Variants in SLC30A3 observed in about 807,000 individuals in gnomAD.
SLC30A3 encodes the protein probable proton-coupled zinc antiporter SLC30A3.
A neutral mutation model predicts 35.6 loss-of-function variants in SLC30A3; 20 were observed. That is an observed-to-expected ratio of 0.56 (90% confidence interval 0.39 to 0.82). The LOEUF (loss-of-function observed/expected upper bound fraction) is 0.82. Among genes scored for constraint, SLC30A3 ranks in the 40% least tolerant of loss-of-function variants. SLC30A3 has a pLI of 0.00. For missense variants in SLC30A3, 401 were observed against 530.6 expected, an observed-to-expected ratio of 0.76 and a Z score of 2.40; for synonymous variants, 217 against 224.7, an observed-to-expected ratio of 0.97 and a Z score of 0.31.
chr2:27,275,661 G>A (rs1558572809), upstream of SLC30A3: 2 of 194,558 alleles, frequency 1.0e-5, no homozygotes, highest in Non-Finnish European at 2.2e-5. Flanking sequence ...CTGGGCCGCA[G>A]GCGTCTACCC....
rs1006798219 is a variant in SLC30A3 at position 27,258,479 on chromosome 2, G to A, written c.278-172C>T. 1 of 682,476 alleles carries A rather than the reference G, an allele frequency of 1.5e-6. No homozygotes were observed. Among genetic ancestry groups the A allele is most frequent in the Non-Finnish European group, 2.4e-6 (1 of 421,524 alleles). The allele number at this position is 682,476 out of a possible 1,614,324, so 42.3% of individuals were successfully genotyped here. ...GTTATGTTATTTTTTTCATTCATCT[G>A]TATTTTATTTTCTACAATGATTTAT... On this transcript the variant is annotated intron_variant, in intron 2 of 7. Transcript: ENST00000233535. The surrounding 1 kb of genome is among the most constrained non-coding windows in gnomAD (Gnocchi z 4.0).
intron 1 of SLC30A3, among the ~76,000 whole-genome samples, chr2:27,272,629 T>A (rs1452601693): frequency 2.6e-5 from 4 of 151,800 alleles, no homozygotes; most frequent in Admixed American, 2.6e-4. Context: ...GGTTTTACTA[T>A]GTTGGCCAGA....
At chr2:27,267,933 C>CAA (rs772509148), upstream of SLC30A3, among the ~76,000 whole-genome samples, 11 of 129,038 alleles carry the variant, frequency 8.5e-5, no homozygotes, top group Non-Finnish European at 1.2e-4. Context: ...GACTCCATCT[C>CAA]AAAAAAAAAA....
At chr2:27,273,738 C>T (rs998112589) in intron 1 of SLC30A3, among the ~76,000 whole-genome samples, 6 of 151,688 alleles carry the variant, frequency 4.0e-5, no homozygotes, top group African/African-American at 1.5e-4. Flanking sequence ...TACAGATGGA[C>T]TCCTTAGTTC....
intron 1 of SLC30A3, among the ~76,000 whole-genome samples, chr2:27,270,099 G>A (rs1301415452): frequency 1.3e-5 from 2 of 152,126 alleles, no homozygotes; most frequent in African/African-American, 4.8e-5. Flanking sequence ...TAGTCATTCT[G>A]CCTGAAATTT....
Position 27,258,648 on chromosome 2 carries a change from C to A in SLC30A3, c.277+105G>T. On this transcript the variant is annotated intron_variant, in intron 2 of 7. Transcript: ENST00000233535. This position sits in a 1 kb window ranked among gnomAD's most constrained non-coding sequence, Gnocchi z 4.0. ...CACCCAGCTCCCCTATCCCAGCCAT[C>A]CCCATCTCTGCATCTGCACCCAGGA... The A allele has an allele frequency of 7.9e-7, 1 of 1,267,016 alleles. No homozygotes were observed. The highest frequency in any genetic ancestry group is 1.1e-6 in the Non-Finnish European group (1 of 887,390). 78.5% of individuals were successfully genotyped at this position (1,267,016 alleles called of 1,614,324 possible).
Position 27,258,099 on chromosome 2 carries a change from G to T in SLC30A3, c.425-41C>A, listed in dbSNP as rs139431176. On this transcript the variant is annotated intron_variant, in intron 3 of 7. Coordinates refer to ENST00000233535, the MANE Select transcript of SLC30A3 (RefSeq NM_003459.5). The surrounding 1 kb of genome is among the most constrained non-coding windows in gnomAD (Gnocchi z 4.0). ...GAGACAAGCTGTCAGAGACCTGCTT[G>T]GGACCCTGACGGGTGCCCTCTGGCA... 6.5e-4 allele frequency: 1,053 copies of T among 1,611,246 alleles called. 4 individuals are homozygous for T. The African/African-American group carries it at 0.013, about 19-fold the overall frequency.
At chr2:27,256,260 G>C (rs72817529) in intron 7 of SLC30A3, 126 bp downstream of exon 7, 12,225 of 1,090,528 alleles carry the variant, frequency 0.011, 99 homozygotes, top group African/African-American at 0.026. Context: ...ATGTGAGAGA[G>C]AGAGACACAG....
At chr2:27,265,445 C>T (rs925162832), upstream of SLC30A3, among the ~76,000 whole-genome samples, 1 of 152,346 alleles carries the variant, frequency 6.6e-6, no homozygotes, top group East Asian at 1.9e-4. This position sits in a 1 kb window ranked among gnomAD's most constrained non-coding sequence, Gnocchi z 5.9. Context: ...AAAGGGTCCT[C>T]GCGAATGCCA....
At chr2:27,272,195 C>T (rs1200530544) in intron 1 of SLC30A3, among the ~76,000 whole-genome samples, 2 of 152,170 alleles carry the variant, frequency 1.3e-5, no homozygotes, top group Non-Finnish European at 2.9e-5. Context: ...TTCAGGATCA[C>T]GTTATTATCT....
upstream of SLC30A3, among the ~76,000 whole-genome samples, chr2:27,267,095 C>T (rs1677528863): frequency 6.6e-6 from 1 of 152,086 alleles, no homozygotes; most frequent in Non-Finnish European, 1.5e-5. Context: ...GCAGTCTTCC[C>T]ATGTCAGAAT....
In SLC30A3 at chr2:27,256,420, G is replaced by C. The variant is rs370535114; in HGVS notation, c.984C>G (p.Leu328=). The C allele has an allele frequency of 6.1e-5, 98 of 1,614,140 alleles. No homozygotes were observed. Among genetic ancestry groups the C allele is most frequent in the South Asian group, 5.3e-4 (48 of 91,070 alleles). The change falls in exon 7 of 8, where the codon CTC becomes CTG. Residue 328 remains leucine, a synonymous_variant. Transcript: ENST00000233535. Reference sequence around the variant, plus strand: ...GGTGTGCAGAGGCAACATGGTAAGTGAGCGTAAGGGCCCACAGGTGCAGCT... The same window carrying C: ...GGTGTGCAGAGGCAACATGGTAAGTCAGCGTAAGGGCCCACAGGTGCAGCT... ...THELHLWALT[L]TYHVASAHLA... is the part of the protein sequence containing the mutation.
chr2:27,265,528 T>C (rs1034917085), upstream of SLC30A3, among the ~76,000 whole-genome samples: 7 of 152,136 alleles, frequency 4.6e-5, no homozygotes. This position sits in a 1 kb window ranked among gnomAD's most constrained non-coding sequence, Gnocchi z 5.9. Flanking sequence ...AATTTTAAAA[T>C]GTAAGCATGT....
upstream of SLC30A3, among the ~76,000 whole-genome samples, chr2:27,263,806 A>T (rs911629033): frequency 2.8e-5 from 4 of 143,294 alleles, no homozygotes; most frequent in African/African-American, 1.0e-4. Context: ...GAGAGCGCTC[A>T]CAGTTCTCTT....
chr2:27,256,226 ATGTGTGTGTG>A (rs146038241), intron 7 of SLC30A3, 150 bp downstream of exon 7: 6 of 759,850 alleles, frequency 7.9e-6, no homozygotes, highest in Non-Finnish European at 1.3e-5. Flanking sequence ...GCGCACGTGC[ATGTGTGTGTG>A]TGTGTATGTG....
upstream of SLC30A3, among the ~76,000 whole-genome samples, chr2:27,265,285 C>T (rs1215235200): frequency 1.3e-5 from 2 of 152,324 alleles, no homozygotes; most frequent in South Asian, 2.1e-4. The surrounding 1 kb of genome is among the most constrained non-coding windows in gnomAD (Gnocchi z 5.9). Flanking sequence ...CAGCGCGTGG[C>T]CAAACGTGCC....
At chr2:27,256,177 A>C in intron 7 of SLC30A3, 1 of 610,078 alleles carries the variant, frequency 1.6e-6, no homozygotes, top group Non-Finnish European at 2.9e-6. Context: ...AGAACACTGC[A>C]TCCAGTGGAT....
rs1262799965 is a variant in SLC30A3, at chr2:27,257,117, G to T, written c.777+37C>A. The stretch of plus-strand genomic sequence containing the variant: ...AAGGAGTGGGCTGGGATGTGGTTGT[G>T]GGGAGGAAGGCTGGGGCAGGTCTCC... On this transcript the variant is annotated intron_variant, in intron 5 of 7. Transcript: ENST00000233535. The surrounding 1 kb of genome is among the most constrained non-coding windows in gnomAD (Gnocchi z 4.7). 6.3e-7 allele frequency: 1 copy of T among 1,594,762 alleles called. No individual in the cohort carries two copies. Among genetic ancestry groups the T allele is most frequent in the Non-Finnish European group, 8.6e-7 (1 of 1,162,706 alleles).
At position 27,256,467 on chromosome 2, in the gene SLC30A3, G is replaced by A. The variant is rs778531415; in HGVS notation, c.937C>T (p.Pro313Ser). 2 of 1,613,948 alleles carry A rather than the reference G, an allele frequency of 1.2e-6. No homozygotes were observed. Among genetic ancestry groups the A allele is most frequent in the Admixed American group, 1.7e-5 (1 of 59,982 alleles). ...EPVRDTLLSVPGVRATHELHL... is the reference protein window; with the variant it reads ...EPVRDTLLSVSGVRATHELHL... ...AGCTCATGGGTTGCCCGGACTCCTG[G>A]CACCGACAACAGCGTATCCCGCACA... The change falls in exon 7 of 8, where the codon CCA becomes TCA. Residue 313 changes from proline (P) to serine (S), a missense_variant. Physicochemically the swap from Pro to Ser is moderately conservative, Grantham distance 74. Around this residue, in one of 3 missense-constraint regions of SLC30A3, gnomAD observed 296 missense variants for 392.6 expected, o/e 0.75. Transcript: ENST00000233535.
Sources: allele counts gnomAD v4.1 joint callset (sites outside exome capture counted in the v4.1 genomes callset), GRCh38; gene constraint gnomAD v4.1.1; regional missense constraint gnomAD v4.1.1; non-coding constraint Gnocchi (gnomAD v3.1); transcripts MANE v1.5; gene names NCBI Gene and HGNC (gene_info 2026-07-23, HGNC 2026-07-21).